Variants in NRG3 observed in about 807,000 individuals in gnomAD.
The protein encoded by NRG3 is neuregulin 3.
Under a neutral mutation model 66.9 loss-of-function variants are expected in NRG3, and 31 were observed. The ratio of observed to expected loss-of-function variants is 0.46; its 90% CI spans 0.35 to 0.63. The LOEUF (loss-of-function observed/expected upper bound fraction) is 0.63. NRG3 is among the 20% of genes least tolerant of loss of function. The pLI is 0.00. For synonymous variants in NRG3, 393 were observed against 359.4 expected (o/e 1.09, Z -1.06); for missense variants, 910 against 878.9 (o/e 1.04, Z -0.45).
chr10:82,771,282 A>T (rs1482588884), intron 3 of NRG3, among the ~76,000 whole-genome samples: 1 of 152,230 alleles, frequency 6.6e-6, no homozygotes, highest in Non-Finnish European at 1.5e-5. Context: ...TAATCGAGTC[A>T]TATGAATGAA....
At chr10:82,647,360 T>C (rs2051027174) in intron 2 of NRG3, among the ~76,000 whole-genome samples, 1 of 152,224 alleles carries the variant, frequency 6.6e-6, no homozygotes, top group South Asian at 2.1e-4. Flanking sequence ...CTGCATAGTA[T>C]TCCATGGTGT....
At chr10:81,959,350 T>C (rs977584480) in intron 1 of NRG3, among the ~76,000 whole-genome samples, 9 of 152,214 alleles carry the variant, frequency 5.9e-5, no homozygotes, top group African/African-American at 2.2e-4. Context: ...TGAACCAATT[T>C]GAATCATGCT....
intron 2 of NRG3, among the ~76,000 whole-genome samples, chr10:82,622,033 C>T (rs551701803): frequency 6.6e-6 from 1 of 152,042 alleles, no homozygotes; most frequent in Non-Finnish European, 1.5e-5. Context: ...CAGGGAATGG[C>T]CAAAAAATGA....
At chr10:82,004,984 T>C (rs2061329519) in intron 1 of NRG3, among the ~76,000 whole-genome samples, 1 of 152,262 alleles carries the variant, frequency 6.6e-6, no homozygotes, top group Admixed American at 6.5e-5. Context: ...GTACATACTG[T>C]CATGCTTGTT....
chr10:82,533,742 G>T (rs1847532780), intron 2 of NRG3, among the ~76,000 whole-genome samples: 1 of 152,092 alleles, frequency 6.6e-6, no homozygotes, highest in African/African-American at 2.4e-5. Flanking sequence ...CTTAAAAAGA[G>T]CACCTAGGAC....
chr10:82,548,849 G>A (rs767938601), intron 2 of NRG3, among the ~76,000 whole-genome samples: 4 of 152,186 alleles, frequency 2.6e-5, no homozygotes, highest in Non-Finnish European at 5.9e-5. Flanking sequence ...GCAATGGTCT[G>A]GAATCCAGGC....
intron 1 of NRG3, among the ~76,000 whole-genome samples, chr10:81,901,754 T>A (rs548170524): frequency 6.6e-6 from 1 of 152,276 alleles, no homozygotes; most frequent in East Asian, 1.9e-4. Context: ...TATTATAAGA[T>A]CTTAAACAGA....
intron 2 of NRG3, among the ~76,000 whole-genome samples, chr10:82,396,157 C>A (rs1201222669): frequency 6.6e-6 from 1 of 152,098 alleles, no homozygotes; most frequent in Admixed American, 6.6e-5. Context: ...TTGAGATTTT[C>A]ATGGTGTGAA....
intron 4 of NRG3, among the ~76,000 whole-genome samples, chr10:82,899,179 G>T (rs901465772): frequency 6.6e-6 from 1 of 152,222 alleles, no homozygotes; most frequent in East Asian, 1.9e-4. Context: ...CCATTCTTCT[G>T]CACATAAGGG....
chr10:82,085,935 A>AC (rs1233901800), intron 1 of NRG3, among the ~76,000 whole-genome samples: 1 of 151,982 alleles, frequency 6.6e-6, no homozygotes, highest in African/African-American at 2.4e-5. Context: ...ACCGCTCCTG[A>AC]CCATCCCATT....
chr10:81,936,955 GCAGAACTGAACCTCA>G (rs1847936082), intron 1 of NRG3, among the ~76,000 whole-genome samples: 1 of 152,092 alleles, frequency 6.6e-6, no homozygotes. Flanking sequence ...TCCATCTTTT[GCAGAACTGAACCTCA>G]GTTCCCTTTG....
chr10:82,633,602 C>G (rs1329283645), intron 2 of NRG3, among the ~76,000 whole-genome samples: 1 of 152,028 alleles, frequency 6.6e-6, no homozygotes, highest in Non-Finnish European at 1.5e-5. Context: ...TAAAGTGTGG[C>G]CCAGGAGTCA....
At chr10:82,280,924 C>T (rs10884462) in intron 1 of NRG3, among the ~76,000 whole-genome samples, 26,483 of 152,102 alleles carry the variant, frequency 0.17, 2,458 homozygotes, top group Admixed American at 0.23. Flanking sequence ...CTGCTTTCTG[C>T]GGGGGGATGT....
intron 2 of NRG3, among the ~76,000 whole-genome samples, chr10:82,429,455 G>A (rs1433664882): frequency 6.6e-6 from 1 of 151,860 alleles, no homozygotes; most frequent in Non-Finnish European, 1.5e-5. Flanking sequence ...TCATCCCATT[G>A]CCTTCTGGAC....
At chr10:82,122,498 T>C (rs2068155793) in intron 1 of NRG3, among the ~76,000 whole-genome samples, 1 of 152,182 alleles carries the variant, frequency 6.6e-6, no homozygotes, top group African/African-American at 2.4e-5. Flanking sequence ...GATAGCTCTG[T>C]TTCCTTTATG....
intron 2 of NRG3, among the ~76,000 whole-genome samples, chr10:82,523,037 ACTTG>A (rs1187602996): frequency 4.6e-5 from 7 of 152,144 alleles, no homozygotes; most frequent in Non-Finnish European, 8.8e-5. Context: ...CACCTTTGTG[ACTTG>A]CTTCTTTCTC....
At chr10:82,179,236 A>C (rs992352407) in intron 1 of NRG3, among the ~76,000 whole-genome samples, 3 of 151,948 alleles carry the variant, frequency 2.0e-5, no homozygotes, top group Non-Finnish European at 2.9e-5. Context: ...TGCTGTGCAG[A>C]AGCTTTTTAG....
chr10:81,915,309 A>C (rs1006206549), intron 1 of NRG3, among the ~76,000 whole-genome samples: 2 of 152,180 alleles, frequency 1.3e-5, no homozygotes, highest in Non-Finnish European at 2.9e-5. Flanking sequence ...TGAGTATAAA[A>C]GCATGTGCTC....
At chr10:81,958,010 G>C (rs1589596249) in intron 1 of NRG3, among the ~76,000 whole-genome samples, 1 of 152,270 alleles carries the variant, frequency 6.6e-6, no homozygotes, top group East Asian at 1.9e-4. Flanking sequence ...TTCCAGATTG[G>C]AGTAGTCAAC....
Sources: allele counts gnomAD v4.1 joint callset (sites outside exome capture counted in the v4.1 genomes callset), GRCh38; gene constraint gnomAD v4.1.1; transcripts MANE v1.5; gene names NCBI Gene and HGNC (gene_info 2026-07-23, HGNC 2026-07-21).